The following ZCCHC7 variants were observed in gnomAD, a reference collection of about 807,000 sequenced individuals.
ZCCHC7 encodes zinc finger CCHC-type containing 7, also known as zinc finger CCHC domain-containing protein 7.
In ZCCHC7, 35 loss-of-function variants were observed where a neutral mutation model predicts 52.0. The observed-to-expected ratio is 0.67, with a 90% CI of 0.51 to 0.89. ZCCHC7 has a LOEUF of 0.89. Among genes scored for constraint, ZCCHC7 ranks in the 40% least tolerant of loss-of-function variants. The probability of loss-of-function intolerance (pLI) is 0.00; values close to 1 mark genes in which losing one functional copy is unlikely to be tolerated. For missense variants in ZCCHC7, 574 were observed against 649.1 expected (o/e 0.88, Z 1.26); for synonymous variants, 217 against 221.5 (o/e 0.98, Z 0.18).
At chr9:37,205,681 TA>T (rs1823867753) in intron 2 of ZCCHC7, among the ~76,000 whole-genome samples, 1 of 148,080 alleles carries the variant, frequency 6.8e-6, no homozygotes, top group African/African-American at 2.4e-5. Context: ...CACACCTGGT[TA>T]ATTTTTTGTA....
At chr9:37,182,497 CA>C in intron 2 of ZCCHC7, among the ~76,000 whole-genome samples, 1 of 151,926 alleles carries the variant, frequency 6.6e-6, no homozygotes, top group Non-Finnish European at 1.5e-5. Flanking sequence ...CTTGAGTAGC[CA>C]GGATTACAGG....
In ZCCHC7 at chr9:37,352,511, C is replaced by CTTTTTTTTTTTTTTTTTTT. The variant is rs869266535; in HGVS notation, c.1084-2193_1084-2175dup. ...TACCTTTGCATAATCACAATTTGCT[C>CTTTTTTTTTTTTTTTTTTT]TTTTTTTTTTTTTTTTTTTTTTTTG... is the stretch of plus-strand genomic sequence containing the variant. On this transcript the variant is annotated intron_variant, in intron 7 of 8. Transcript: ENST00000336755. Among the ~76,000 whole-genome samples, 28 of 81,572 alleles carry CTTTTTTTTTTTTTTTTTTT rather than the reference C, an allele frequency of 3.4e-4. 5 individuals carry two copies. The highest frequency in any genetic ancestry group is 1.4e-3 in the East Asian group (4 of 2,846). 53.5% of individuals were successfully genotyped at this position (81,572 alleles called of 152,430 possible).
chr9:37,289,011 A>G (rs1212258049), intron 2 of ZCCHC7, among the ~76,000 whole-genome samples: 2 of 152,128 alleles, frequency 1.3e-5, no homozygotes, highest in African/African-American at 4.8e-5. Flanking sequence ...TTTTAATACT[A>G]TTGCTAATCC....
At chr9:37,246,142 T>G (rs1201106302) in intron 2 of ZCCHC7, among the ~76,000 whole-genome samples, 1 of 152,068 alleles carries the variant, frequency 6.6e-6, no homozygotes, top group Non-Finnish European at 1.5e-5. Context: ...CTAAAATAGA[T>G]GAGAGGTCAT....
At chr9:37,264,783 A>G (rs1279514751) in intron 2 of ZCCHC7, among the ~76,000 whole-genome samples, 1 of 152,186 alleles carries the variant, frequency 6.6e-6, no homozygotes, top group Non-Finnish European at 1.5e-5. Context: ...AACCTTCTGT[A>G]TGCTGTTTTC....
At chr9:37,228,441 G>A (rs1167124091) in intron 2 of ZCCHC7, among the ~76,000 whole-genome samples, 1 of 151,632 alleles carries the variant, frequency 6.6e-6, no homozygotes, top group Non-Finnish European at 1.5e-5. Context: ...GGAGTGCAGT[G>A]GCACAGTCGT....
intron 2 of ZCCHC7, among the ~76,000 whole-genome samples, chr9:37,280,661 A>G (rs754133468): frequency 1.3e-5 from 2 of 151,796 alleles, no homozygotes; most frequent in Non-Finnish European, 2.9e-5. Flanking sequence ...TAAATAATAT[A>G]CTACTAAATT....
intron 2 of ZCCHC7, among the ~76,000 whole-genome samples, chr9:37,269,044 G>A (rs1827258006): frequency 6.6e-6 from 1 of 152,212 alleles, no homozygotes; most frequent in Non-Finnish European, 1.5e-5. Context: ...GTGAGGCAAA[G>A]AGTGTTTTGA....
At chr9:37,211,127 GT>G (rs1267013123) in intron 2 of ZCCHC7, among the ~76,000 whole-genome samples, 2 of 152,218 alleles carry the variant, frequency 1.3e-5, no homozygotes, top group African/African-American at 4.8e-5. Flanking sequence ...AGAATTTCCA[GT>G]AAGCTGGGAA....
intron 2 of ZCCHC7, among the ~76,000 whole-genome samples, chr9:37,264,957 C>T (rs927708503): frequency 8.1e-4 from 124 of 152,278 alleles, no homozygotes; most frequent in African/African-American, 2.7e-3. Context: ...TGTGTTCTTG[C>T]ATTTCAGTCT....
Position 37,126,591 on chromosome 9 carries a change from G to C in ZCCHC7, c.259G>C (p.Asp87His). Residue 87 changes from aspartate (D) to histidine (H), a missense_variant, in exon 2 of 9, where the codon GAT becomes CAT. Coordinates refer to ENST00000336755, the MANE Select transcript of ZCCHC7 (RefSeq NM_032226.3). ...AGATAGTGAGGTCATCCAGCTGTCAGATGGGTCAGAGGTCATCACTTTGTC... is the reference window on the plus strand; with the variant it reads ...AGATAGTGAGGTCATCCAGCTGTCACATGGGTCAGAGGTCATCACTTTGTC... ...LSDSEVIQLSDGSEVITLSDE... is the reference protein window; with the variant it reads ...LSDSEVIQLSHGSEVITLSDE... 6.2e-7 allele frequency: 1 copy of C among 1,614,190 alleles called. No homozygotes were observed. The highest frequency in any genetic ancestry group is 8.5e-7 in the Non-Finnish European group (1 of 1,180,028).
chr9:37,350,988 T>G (rs965149214), intron 7 of ZCCHC7, among the ~76,000 whole-genome samples: 2 of 152,198 alleles, frequency 1.3e-5, no homozygotes, highest in African/African-American at 4.8e-5. Flanking sequence ...AGCAATAGGA[T>G]GGGGTGAGTG....
intron 2 of ZCCHC7, among the ~76,000 whole-genome samples, chr9:37,243,256 G>A (rs962585861): frequency 9.9e-5 from 15 of 151,674 alleles, no homozygotes; most frequent in South Asian, 4.1e-4. Flanking sequence ...TAGATCTACC[G>A]TGTAAAATTT....
intron 2 of ZCCHC7, among the ~76,000 whole-genome samples, chr9:37,138,907 A>G (rs1233124580): frequency 1.3e-5 from 2 of 151,898 alleles, no homozygotes; most frequent in African/African-American, 2.4e-5. Flanking sequence ...TAGACAGTAT[A>G]TTTTTATGGT....
chr9:37,163,206 AAAC>A (rs1223403033), intron 2 of ZCCHC7, among the ~76,000 whole-genome samples: 7 of 151,598 alleles, frequency 4.6e-5, no homozygotes, highest in African/African-American at 1.7e-4. Context: ...TCTCAAAAAC[AAAC>A]AAACAAACAA....
At chr9:37,348,390 C>CTTTCTTTCTTTCTTTCTTTCT (rs1554736711) in intron 6 of ZCCHC7, among the ~76,000 whole-genome samples, 49 of 133,266 alleles carry the variant, frequency 3.7e-4, no homozygotes, top group African/African-American at 1.2e-3. Context: ...TTCTTTCTTT[C>CTTTCTTTCTTTCTTTCTTTCT]TTTTTTGACA....
chr9:37,303,598 G>A (rs970490611), intron 3 of ZCCHC7, among the ~76,000 whole-genome samples: 1 of 147,818 alleles, frequency 6.8e-6, no homozygotes, highest in African/African-American at 2.5e-5. Context: ...GGCGGGAGGG[G>A]CAGACAAAAA....
chr9:37,335,692 C>T (rs1292704553), intron 6 of ZCCHC7, among the ~76,000 whole-genome samples: 1 of 152,156 alleles, frequency 6.6e-6, no homozygotes, highest in African/African-American at 2.4e-5. Flanking sequence ...GACCTCTTTA[C>T]TCTGTCTCCT....
At chr9:37,139,620 G>A (rs752667879) in intron 2 of ZCCHC7, among the ~76,000 whole-genome samples, 5 of 151,940 alleles carry the variant, frequency 3.3e-5, no homozygotes, top group Non-Finnish European at 7.4e-5. Flanking sequence ...GGACTTGAGA[G>A]CATCTGTTCT....
Sources: allele counts gnomAD v4.1 joint callset (sites outside exome capture counted in the v4.1 genomes callset), GRCh38; gene constraint gnomAD v4.1.1; transcripts MANE v1.5; gene names NCBI Gene and HGNC (gene_info 2026-07-23, HGNC 2026-07-21).